CREB5: variants seen among roughly 807,000 people sequenced by gnomAD.
The protein encoded by CREB5 is cyclic AMP-responsive element-binding protein 5.
Under a neutral mutation model 57.1 loss-of-function variants are expected in CREB5, and 19 were observed. That is an observed-to-expected ratio of 0.33 (90% confidence interval 0.23 to 0.49). The LOEUF is 0.49. Ranked by LOEUF, CREB5 falls within the 20% of genes least tolerant of loss-of-function variation. The pLI is 0.99. For synonymous variants in CREB5, 238 were observed against 238.3 expected (o/e 1.00, Z 0.01); for missense variants, 579 against 671.6 (o/e 0.86, Z 1.52).
chr7:28,399,177 C>T (rs1787395951), intron 1 of CREB5, among the ~76,000 whole-genome samples: 1 of 151,854 alleles, frequency 6.6e-6, no homozygotes, highest in African/African-American at 2.4e-5. Flanking sequence ...GAATCATGAA[C>T]CCAAGTATTG....
chr7:28,395,219 A>C (rs1787311939), intron 1 of CREB5, among the ~76,000 whole-genome samples: 1 of 152,206 alleles, frequency 6.6e-6, no homozygotes, highest in African/African-American at 2.4e-5. Flanking sequence ...AAATGCAATT[A>C]GTTTGGAGTA....
intron 3 of CREB5, among the ~76,000 whole-genome samples, chr7:28,500,378 C>A (rs1424482748): frequency 9.2e-5 from 14 of 152,198 alleles, no homozygotes; most frequent in Non-Finnish European, 1.5e-5. Context: ...ACGTGTGGCA[C>A]AGCTGACTAT....
chr7:28,565,333 T>C (rs1795433832), intron 4 of CREB5, among the ~76,000 whole-genome samples: 1 of 152,162 alleles, frequency 6.6e-6, no homozygotes, highest in Non-Finnish European at 1.5e-5. Context: ...AGGCAGCTTG[T>C]TGTGTCTTTG....
At chr7:28,686,253 T>C in intron 5 of CREB5, 2 of 1,384,338 alleles carry the variant, frequency 1.4e-6, no homozygotes, top group Non-Finnish European at 2.0e-6. Context: ...TTTTTGCCCC[T>C]ACTGCCTTCT....
At position 28,420,686 on chromosome 7, in the gene CREB5, T is replaced by G. The variant is rs567005101; in HGVS notation, c.3+7769T>G. Among the ~76,000 whole-genome samples the G allele has an allele frequency of 2.0e-5, 3 of 152,046 alleles. No homozygotes were observed. The East Asian group carries it at 5.8e-4, about 29-fold the overall frequency. On this transcript the variant is annotated intron_variant, in intron 1 of 10. Coordinates refer to ENST00000357727, the MANE Select transcript of CREB5 (RefSeq NM_182898.4). The stretch of plus-strand genomic sequence containing the variant: ...AGCCGGGCATGGTGGCACACACCTG[T>G]AGTCCCAGCTACTCGGGAGGCTGGG...
intron 4 of CREB5, among the ~76,000 whole-genome samples, chr7:28,545,048 G>A (rs1252229970): frequency 6.6e-6 from 1 of 152,180 alleles, no homozygotes; most frequent in Non-Finnish European, 1.5e-5. Flanking sequence ...TTGGAGGGCA[G>A]TGTTTTGTCT....
chr7:28,626,865 G>C (rs551068269), intron 5 of CREB5, among the ~76,000 whole-genome samples: 3 of 152,204 alleles, frequency 2.0e-5, no homozygotes, highest in Admixed American at 1.3e-4. Context: ...TGGGGAAAGG[G>C]GCCCCAGGAC....
rs1479191432 is a variant in CREB5 at position 28,820,643 on chromosome 7, T to A, written c.*1364T>A. The A allele has an allele frequency of 6.6e-6, 1 of 151,784 alleles. No individual in the cohort carries two copies. Among genetic ancestry groups the A allele is most frequent in the Non-Finnish European group, 1.5e-5 (1 of 67,936 alleles). The allele number at this position is 151,784 out of a possible 1,614,324, so 9.4% of individuals were successfully genotyped here. On this transcript the variant is annotated 3_prime_UTR_variant, in exon 11 of 11. Coordinates refer to ENST00000357727, the MANE Select transcript of CREB5 (RefSeq NM_182898.4). Reference sequence around the variant, plus strand: ...TTTTTTGAGACAGAGTCTCACCTATTGCCCAGACTGAAGTGCAGTGGTGCG... The same window carrying A: ...TTTTTTGAGACAGAGTCTCACCTATAGCCCAGACTGAAGTGCAGTGGTGCG...
At chr7:28,435,549 G>C in intron 1 of CREB5, 1 of 813,276 alleles carries the variant, frequency 1.2e-6, no homozygotes, top group Non-Finnish European at 1.5e-6. Context: ...TTAAATTTAA[G>C]TGTCAGCTGC....
At chr7:28,554,203 C>T (rs1261831388) in intron 4 of CREB5, among the ~76,000 whole-genome samples, 1 of 152,242 alleles carries the variant, frequency 6.6e-6, no homozygotes, top group East Asian at 1.9e-4. Context: ...GATCCAGATT[C>T]TAGTCCTACT....
At chr7:28,769,732 A>T (rs1806221253) in intron 7 of CREB5, among the ~76,000 whole-genome samples, 1 of 152,178 alleles carries the variant, frequency 6.6e-6, no homozygotes, top group African/African-American at 2.4e-5. Context: ...TTAGAGTATG[A>T]CCATGGCTAA....
At chr7:28,308,687 C>A (rs1785227298) in intron 1 of CREB5, among the ~76,000 whole-genome samples, 1 of 152,148 alleles carries the variant, frequency 6.6e-6, no homozygotes, top group Admixed American at 6.5e-5. Context: ...TTCACAGCCA[C>A]CCCTACAAAC....
chr7:28,513,479 A>G (rs1792804637), intron 4 of CREB5: 1 of 152,020 alleles, frequency 6.6e-6, no homozygotes, highest in African/African-American at 2.4e-5. Flanking sequence ...CTGAAAGGAA[A>G]CACTCATTGA....
intron 4 of CREB5, among the ~76,000 whole-genome samples, chr7:28,525,950 C>T (rs929240383): frequency 5.3e-5 from 8 of 152,100 alleles, no homozygotes; most frequent in African/African-American, 9.7e-5. Flanking sequence ...CAGGGGTTCT[C>T]GATAATTCTA....
At chr7:28,415,339 C>A (rs1787984170) in intron 1 of CREB5, among the ~76,000 whole-genome samples, 1 of 152,168 alleles carries the variant, frequency 6.6e-6, no homozygotes, top group Non-Finnish European at 1.5e-5. Flanking sequence ...CTAGAGAGAG[C>A]CAAACCAGGC....
chr7:28,696,269 C>T (rs1239684872), intron 5 of CREB5, among the ~76,000 whole-genome samples: 6 of 152,098 alleles, frequency 3.9e-5, no homozygotes, highest in Non-Finnish European at 8.8e-5. Flanking sequence ...CACTGTGGAA[C>T]TATGCTGGGG....
At chr7:28,745,754 C>G (rs1804654383) in intron 7 of CREB5, among the ~76,000 whole-genome samples, 2 of 152,172 alleles carry the variant, frequency 1.3e-5, no homozygotes, top group African/African-American at 2.4e-5. Context: ...TCCTTCTTAC[C>G]CCTGGCAGTC....
chr7:28,538,436 A>G (rs1008894723), intron 4 of CREB5, among the ~76,000 whole-genome samples: 4 of 152,152 alleles, frequency 2.6e-5, no homozygotes, highest in Non-Finnish European at 5.9e-5. Context: ...TTTTGGTGGC[A>G]TATGTAGCTA....
chr7:28,734,206 C>CA (rs61403862), intron 7 of CREB5, among the ~76,000 whole-genome samples: 2,589 of 96,010 alleles, frequency 0.027, 91 homozygotes, highest in African/African-American at 0.085. Flanking sequence ...TTCAGTAGTT[C>CA]AAAAAAAAAA....
Sources: allele counts gnomAD v4.1 joint callset (sites outside exome capture counted in the v4.1 genomes callset), GRCh38; gene constraint gnomAD v4.1.1; transcripts MANE v1.5; gene names NCBI Gene and HGNC (gene_info 2026-07-23, HGNC 2026-07-21).